Variants in C20orf203 observed in about 807,000 individuals in gnomAD.
C20orf203 encodes chromosome 20 open reading frame 203, also known as uncharacterized protein C20orf203.
C20orf203 carries 16 observed loss-of-function variants against 15.9 expected under a neutral mutation model. That is an observed-to-expected ratio of 1.01 (90% CI 0.68 to 1.53). The LOEUF is 1.53. C20orf203 is among the 40% of genes most tolerant of loss of function. The pLI, the probability that C20orf203 is intolerant of heterozygous loss-of-function variation, is 0.00. For synonymous variants in C20orf203, 98 were observed against 97.2 expected, an observed-to-expected ratio of 1.01 and a Z score of -0.05; for missense variants, 263 against 247.5, an observed-to-expected ratio of 1.06 and a Z score of -0.42.
chr20:32,667,758 C>T (rs1355159925), intron 1 of C20orf203, among the ~76,000 whole-genome samples: 1 of 152,144 alleles, frequency 6.6e-6, no homozygotes, highest in East Asian at 1.9e-4. Flanking sequence ...GCAACCTCCA[C>T]CTCCCAGGTT....
chr20:32,650,326 G>C lies in C20orf203; in HGVS notation c.*106C>G, dbSNP rs1043465662. ...CGTGCCGGGCCCATCCCCCACTCTG[G>C]GGAGCAGAATGATTGTGGGGGGTGG... is the stretch of plus-strand genomic sequence containing the variant. On this transcript the variant is annotated 3_prime_UTR_variant, in exon 4 of 6. Coordinates refer to ENST00000608990, the MANE Select transcript of C20orf203 (RefSeq NM_182584.4). The C allele has an allele frequency of 4.9e-6, 4 of 818,136 alleles. No homozygotes were observed. Among genetic ancestry groups the C allele is most frequent in the African/African-American group, 3.4e-5 (2 of 58,072 alleles). The allele number at this position is 818,136 out of a possible 1,614,324, so 50.7% of individuals were successfully genotyped here. A position where few individuals can be genotyped will look rare whatever the true frequency, so the allele number is the denominator to read the frequency against.
intron 1 of C20orf203, among the ~76,000 whole-genome samples, chr20:32,654,673 T>G (rs1982713691): frequency 6.6e-6 from 1 of 152,070 alleles, no homozygotes; most frequent in Admixed American, 6.6e-5. Context: ...TGAAACCTCA[T>G]CTCTACAAAA....
At chr20:32,668,198 C>A (rs546683507) in intron 1 of C20orf203, among the ~76,000 whole-genome samples, 1 of 152,262 alleles carries the variant, frequency 6.6e-6, no homozygotes, top group East Asian at 1.9e-4. Flanking sequence ...ACACCAAGGG[C>A]ACTCCTGTTA....
rs1982585622 is a variant in C20orf203, at chr20:32,650,605, C to T, written c.412G>A (p.Gly138Arg). The T allele has an allele frequency of 6.5e-7, 1 of 1,546,038 alleles. No individual in the cohort carries two copies. Among genetic ancestry groups the T allele is most frequent in the Non-Finnish European group, 8.7e-7 (1 of 1,142,972 alleles). ...CCCACCGTGCCCATTCTGGGCATCC[C>T]TCCCATTGCCCTCCCCCGCCCAGCA... is the stretch of plus-strand genomic sequence containing the variant. ...APAGRGRAMG[G>R]MPRMGTVGDF... Residue 138 changes from glycine to arginine, a missense_variant, in exon 4 of 6, where the codon GGG becomes AGG. By Grantham distance (125) the Gly-to-Arg change is moderately radical (BLOSUM62 -2). Coordinates refer to ENST00000608990, the MANE Select transcript of C20orf203 (RefSeq NM_182584.4).
intron 1 of C20orf203, among the ~76,000 whole-genome samples, chr20:32,660,386 C>T (rs570872292): frequency 6.6e-6 from 1 of 152,290 alleles, no homozygotes; most frequent in South Asian, 2.1e-4. Context: ...AGTCCAGGCC[C>T]GAGCTTACTC....
intron 5 of C20orf203, among the ~76,000 whole-genome samples, chr20:32,639,627 T>G (rs1310109540): frequency 7.7e-6 from 1 of 129,244 alleles, no homozygotes. Context: ...TTTTAAATAG[T>G]AAAAAAAAAA....
chr20:32,654,146 T>G (rs922204161), intron 1 of C20orf203, among the ~76,000 whole-genome samples: 2 of 151,932 alleles, frequency 1.3e-5, no homozygotes, highest in African/African-American at 4.8e-5. Context: ...TAATTGGGTT[T>G]GGCAAAGTTG....
chr20:32,650,432 CTAAT>C lies in C20orf203; in HGVS notation c.581_584del (p.Asn194SerfsTer113), dbSNP rs1568749746. The C allele has an allele frequency of 1.3e-6, 2 of 1,548,088 alleles. No individual in the cohort carries two copies. Among genetic ancestry groups the C allele is most frequent in the South Asian group, 1.2e-5 (1 of 83,918 alleles). On this transcript the variant is annotated frameshift_variant and stop_lost, in exon 4 of 6. Transcript: ENST00000608990. LOFTEE classifies it high-confidence loss of function. ...GGGGGTGGGGGCGCCCTGGGCTCGGCTAATTAAACAGCGACCGTGATGAATTGGA... is the reference window on the plus strand; with the variant it reads ...GGGGGTGGGGGCGCCCTGGGCTCGGCTAAACAGCGACCGTGATGAATTGGA...
intron 1 of C20orf203, among the ~76,000 whole-genome samples, chr20:32,662,509 G>A (rs941069568): frequency 6.6e-6 from 1 of 152,132 alleles, no homozygotes; most frequent in African/African-American, 2.4e-5. Flanking sequence ...GCTGAGGCAG[G>A]AGAATCGATT....
chr20:32,671,415 G>A (rs1172662230), intron 1 of C20orf203, among the ~76,000 whole-genome samples: 1 of 151,778 alleles, frequency 6.6e-6, no homozygotes, highest in Admixed American at 6.6e-5. Flanking sequence ...TATGCTAAAT[G>A]AAACAAACCA....
At chr20:32,649,113 C>CT (rs1288863372) in intron 4 of C20orf203, 142 bp downstream of exon 4, 3 of 152,236 alleles carry the variant, frequency 2.0e-5, no homozygotes, top group African/African-American at 7.2e-5. Context: ...CAGCCAATGA[C>CT]TATCAAGGAC....
intron 1 of C20orf203, among the ~76,000 whole-genome samples, chr20:32,660,983 C>T (rs1462636203): frequency 6.6e-6 from 1 of 152,202 alleles, no homozygotes; most frequent in Non-Finnish European, 1.5e-5. Flanking sequence ...CACTGGGTCC[C>T]TCCCACGACA....
At chr20:32,662,680 G>A (rs1225622870) in intron 1 of C20orf203, among the ~76,000 whole-genome samples, 3 of 151,930 alleles carry the variant, frequency 2.0e-5, no homozygotes, top group African/African-American at 7.3e-5. Context: ...CAGTGTGAAT[G>A]GCTGACAGGA....
chr20:32,659,620 T>C (rs888068481), intron 1 of C20orf203, among the ~76,000 whole-genome samples: 2 of 152,232 alleles, frequency 1.3e-5, no homozygotes, highest in East Asian at 1.9e-4. Flanking sequence ...GGACCCCTCA[T>C]GGGTGGACCT....
At chr20:32,635,232 G>C (rs1033386103) in intron 5 of C20orf203, among the ~76,000 whole-genome samples, 2 of 151,298 alleles carry the variant, frequency 1.3e-5, no homozygotes, top group Middle Eastern at 3.4e-3. Context: ...AGACACGGTG[G>C]CTCATGCCTG....
chr20:32,639,920 C>A (rs1156915916), intron 5 of C20orf203, among the ~76,000 whole-genome samples: 2 of 152,160 alleles, frequency 1.3e-5, no homozygotes, highest in African/African-American at 4.8e-5. Flanking sequence ...TGAGTGTTTT[C>A]CAAGGGTTGG....
intron 5 of C20orf203, among the ~76,000 whole-genome samples, chr20:32,640,364 A>T (rs1436213212): frequency 6.6e-6 from 1 of 152,110 alleles, no homozygotes; most frequent in South Asian, 2.1e-4. Context: ...TAGCATACTC[A>T]CAGAATTGTG....
intron 1 of C20orf203, among the ~76,000 whole-genome samples, chr20:32,669,248 A>G (rs1162638534): frequency 6.6e-6 from 1 of 152,162 alleles, no homozygotes. Flanking sequence ...GGCGGACTCT[A>G]GGCCCAGACC....
chr20:32,655,812 T>C (rs1170300252), intron 1 of C20orf203, among the ~76,000 whole-genome samples: 1 of 151,976 alleles, frequency 6.6e-6, no homozygotes, highest in Non-Finnish European at 1.5e-5. Context: ...AAAATAAAAA[T>C]AGAAACAGGC....
Sources: gnomAD v4.1 joint callset for allele counts (sites outside exome capture counted in the v4.1 genomes callset) on GRCh38, gnomAD v4.1.1 for gene constraint, MANE v1.5 for transcripts, NCBI Gene and HGNC (gene_info 2026-07-23, HGNC 2026-07-21) for gene names.